The following NKAIN2 variants were observed in gnomAD, a reference collection of about 807,000 sequenced individuals.
The protein encoded by NKAIN2 is sodium/potassium-transporting ATPase subunit beta-1-interacting protein 2.
Under a neutral mutation model 32.6 loss-of-function variants are expected in NKAIN2, and 14 were observed. The observed-to-expected ratio is 0.43, with a 90% CI of 0.28 to 0.67. NKAIN2 has a LOEUF of 0.67. Ranked by LOEUF, NKAIN2 falls within the 30% of genes least tolerant of loss-of-function variation. The probability of loss-of-function intolerance (pLI) is 0.17; values close to 1 mark genes in which losing one functional copy is unlikely to be tolerated. For missense variants in NKAIN2, 198 were observed against 258.3 expected (o/e 0.77, Z 1.60); for synonymous variants, 80 against 87.2 (o/e 0.92, Z 0.46).
chr6:124,342,800 T>G (rs1798195112), intron 2 of NKAIN2, among the ~76,000 whole-genome samples: 1 of 145,490 alleles, frequency 6.9e-6, no homozygotes. Context: ...CCACCACACC[T>G]GCCCAGAAGA....
chr6:124,589,632 A>G (rs1223355280), intron 3 of NKAIN2, among the ~76,000 whole-genome samples: 3 of 152,246 alleles, frequency 2.0e-5, no homozygotes, highest in Admixed American at 2.0e-4. Flanking sequence ...GAAATTACAT[A>G]TTCAAATGTA....
intron 4 of NKAIN2, among the ~76,000 whole-genome samples, chr6:124,729,755 G>T (rs1336481369): frequency 6.6e-6 from 1 of 151,604 alleles, no homozygotes; most frequent in African/African-American, 2.4e-5. Context: ...ATTAGGAAAA[G>T]AGGAAGTCAA....
intron 1 of NKAIN2, among the ~76,000 whole-genome samples, chr6:124,138,472 G>A (rs1014376350): frequency 4.6e-5 from 7 of 151,904 alleles, no homozygotes; most frequent in African/African-American, 1.7e-4. Context: ...ATTCGATCCG[G>A]CAATCCCACT....
chr6:124,366,928 GA>G (rs5879729), intron 3 of NKAIN2, among the ~76,000 whole-genome samples: 30,691 of 131,734 alleles, frequency 0.23, 3,891 homozygotes, highest in African/African-American at 0.38. Flanking sequence ...ACCCTGTCTC[GA>G]AAAAAAAAAA....
At chr6:124,216,862 GT>G (rs1481999726) in intron 1 of NKAIN2, among the ~76,000 whole-genome samples, 1 of 152,072 alleles carries the variant, frequency 6.6e-6, no homozygotes, top group Non-Finnish European at 1.5e-5. Flanking sequence ...CAAAACAATG[GT>G]TCATTATTGG....
intron 2 of NKAIN2, among the ~76,000 whole-genome samples, chr6:124,336,677 TG>T (rs67467448): frequency 0.59 from 83,398 of 140,254 alleles, 24,525 homozygotes; most frequent in African/African-American, 0.66. Context: ...TGTTTTTTTT[TG>T]TTTGTTTTTT....
At chr6:124,167,783 G>T (rs1788635514) in intron 1 of NKAIN2, among the ~76,000 whole-genome samples, 2 of 152,182 alleles carry the variant, frequency 1.3e-5, no homozygotes, top group South Asian at 2.1e-4. Flanking sequence ...TAATCATGTG[G>T]TTTTTGTCTT....
intron 1 of NKAIN2, among the ~76,000 whole-genome samples, chr6:123,818,039 G>C (rs1582584838): frequency 6.6e-6 from 1 of 152,142 alleles, no homozygotes; most frequent in Admixed American, 6.6e-5. Context: ...TTTAGTGCCA[G>C]TAAAAACCGC....
chr6:124,343,385 A>C (rs1798233812), intron 2 of NKAIN2, among the ~76,000 whole-genome samples: 1 of 150,460 alleles, frequency 6.6e-6, no homozygotes, highest in East Asian at 2.0e-4. Flanking sequence ...TTCTAGTTCT[A>C]GATCCCAGAG....
At chr6:124,327,110 G>T in intron 2 of NKAIN2, among the ~76,000 whole-genome samples, 1 of 150,794 alleles carries the variant, frequency 6.6e-6, no homozygotes, top group African/African-American at 2.4e-5. Flanking sequence ...CTGTATTAGT[G>T]GTTTGGCCAC....
intron 3 of NKAIN2, among the ~76,000 whole-genome samples, chr6:124,526,836 G>A (rs988899554): frequency 6.6e-6 from 1 of 152,116 alleles, no homozygotes; most frequent in African/African-American, 2.4e-5. Context: ...GAGTAGTGGG[G>A]TAGTGTATGT....
intron 1 of NKAIN2, among the ~76,000 whole-genome samples, chr6:124,046,807 A>C (rs1052563835): frequency 6.6e-6 from 1 of 151,974 alleles, no homozygotes; most frequent in South Asian, 2.1e-4. Context: ...TCTATGGTGT[A>C]CATCATGATG....
intron 1 of NKAIN2, among the ~76,000 whole-genome samples, chr6:123,908,916 G>A (rs1297051517): frequency 6.6e-6 from 1 of 151,972 alleles, no homozygotes; most frequent in East Asian, 1.9e-4. Flanking sequence ...TATTTTAATT[G>A]CATATGTTAG....
intron 3 of NKAIN2, among the ~76,000 whole-genome samples, chr6:124,379,039 C>T (rs564137188): frequency 2.0e-4 from 29 of 146,230 alleles, no homozygotes; most frequent in African/African-American, 7.1e-4. Flanking sequence ...TTGCAGTGAG[C>T]CAAGACTGTG....
At chr6:124,118,580 C>A (rs1785729997) in intron 1 of NKAIN2, among the ~76,000 whole-genome samples, 1 of 151,850 alleles carries the variant, frequency 6.6e-6, no homozygotes, top group African/African-American at 2.4e-5. Flanking sequence ...CCAGTGAGTA[C>A]AATAAAAATT....
intron 3 of NKAIN2, among the ~76,000 whole-genome samples, chr6:124,490,937 A>C (rs375044849): frequency 6.6e-6 from 1 of 151,964 alleles, no homozygotes; most frequent in Non-Finnish European, 1.5e-5. Context: ...AATATTTTCT[A>C]GAAACAACTC....
chr6:124,255,231 C>T (rs887319136), intron 1 of NKAIN2, among the ~76,000 whole-genome samples: 1 of 152,056 alleles, frequency 6.6e-6, no homozygotes. Flanking sequence ...TGTGGTTGGC[C>T]CCATCTTGTG....
chr6:124,445,849 C>T lies in NKAIN2; in HGVS notation c.273+90502C>T, dbSNP rs540642896. On this transcript the variant is annotated intron_variant, in intron 3 of 6. Transcript: ENST00000368417. Reference sequence around the variant, plus strand: ...CATTAAGGATGCTATGTGACCTCTTCACTGCCTTTGCTAAAAACATACGTG... The same window carrying T: ...CATTAAGGATGCTATGTGACCTCTTTACTGCCTTTGCTAAAAACATACGTG... 7.2e-5 allele frequency among the ~76,000 whole-genome samples: 11 copies of T among 152,128 alleles called. No homozygotes were observed. In the South Asian group the frequency reaches 2.1e-3, roughly 29 times the overall value.
chr6:124,150,642 A>G lies in NKAIN2; in HGVS notation c.55-132363A>G, dbSNP rs190216782. ...TTTTTGCTATTATACTCAATTCTGTATGAAAATCTTTTCTGCATTTATTTT... is the reference window on the plus strand; with the variant it reads ...TTTTTGCTATTATACTCAATTCTGTGTGAAAATCTTTTCTGCATTTATTTT... On this transcript the variant is annotated intron_variant, in intron 1 of 6. Coordinates refer to ENST00000368417, the MANE Select transcript of NKAIN2 (RefSeq NM_001040214.3). Among the ~76,000 whole-genome samples the G allele has an allele frequency of 1.9e-3, 289 of 152,262 alleles. 1 individual carries two copies. The highest frequency in any genetic ancestry group is 6.5e-3 in the African/African-American group (272 of 41,568).
Sources: gnomAD v4.1 joint callset for allele counts (sites outside exome capture counted in the v4.1 genomes callset) on GRCh38, gnomAD v4.1.1 for gene constraint, MANE v1.5 for transcripts, NCBI Gene and HGNC (gene_info 2026-07-23, HGNC 2026-07-21) for gene names.